RARB: variants seen among roughly 807,000 people sequenced by gnomAD.
The protein encoded by RARB is HBV-activated protein.
A neutral mutation model predicts 51.9 loss-of-function variants in RARB; 17 were observed. The observed-to-expected ratio is 0.33, with a 90% CI of 0.22 to 0.49. RARB has a LOEUF of 0.49. RARB is among the 20% of genes least tolerant of loss of function. The pLI is 0.99. For synonymous variants in RARB, 215 were observed against 195.4 expected, an observed-to-expected ratio of 1.10 and a Z score of -0.84; for missense variants, 369 against 550.8, an observed-to-expected ratio of 0.67 and a Z score of 3.30.
At chr3:25,261,714 G>A (rs1263796805) in intron 5 of RARB, among the ~76,000 whole-genome samples, 1 of 152,064 alleles carries the variant, frequency 6.6e-6, no homozygotes, top group African/African-American at 2.4e-5. Flanking sequence ...CCTCCATTCT[G>A]TATCTCACTC....
chr3:24,952,443 A>C (rs369110742), intron 2 of RARB, among the ~76,000 whole-genome samples: 72 of 152,220 alleles, frequency 4.7e-4, no homozygotes, highest in African/African-American at 1.5e-3. Context: ...CTTTACTAAA[A>C]TGTATTCTAC....
chr3:25,140,964 T>C (rs1700098529), intron 4 of RARB, among the ~76,000 whole-genome samples: 1 of 152,150 alleles, frequency 6.6e-6, no homozygotes, highest in African/African-American at 2.4e-5. Context: ...TTAGACACAA[T>C]GCTGATGCAC....
chr3:24,914,701 A>G (rs1166653692), intron 2 of RARB, among the ~76,000 whole-genome samples: 2 of 152,200 alleles, frequency 1.3e-5, no homozygotes, highest in Non-Finnish European at 2.9e-5. Flanking sequence ...TGTTTATGGA[A>G]TGACAAAGTC....
chr3:25,580,474 AC>A, intron 4 of RARB, 71 bp from the exon 5 acceptor site: 1 of 1,364,874 alleles, frequency 7.3e-7, no homozygotes, highest in South Asian at 1.5e-5. Context: ...CTAATTGGAA[AC>A]ACATTGAATT....
intron 5 of RARB, among the ~76,000 whole-genome samples, chr3:25,183,948 T>G (rs1700918472): frequency 6.6e-6 from 1 of 152,174 alleles, no homozygotes; most frequent in Non-Finnish European, 1.5e-5. Context: ...TCTTTTAGTT[T>G]CTTATGGCCA....
chr3:24,861,206 A>G (rs970391571), intron 2 of RARB, among the ~76,000 whole-genome samples: 2 of 152,306 alleles, frequency 1.3e-5, no homozygotes, highest in African/African-American at 4.8e-5. Flanking sequence ...TACTATTTAC[A>G]TGGCATTACA....
intron 5 of RARB, among the ~76,000 whole-genome samples, chr3:25,398,561 G>A (rs906795886): frequency 2.0e-5 from 3 of 152,108 alleles, no homozygotes; most frequent in Non-Finnish European, 4.4e-5. Flanking sequence ...TGGGAGAGAT[G>A]ACAGTTTTAA....
intron 5 of RARB, among the ~76,000 whole-genome samples, chr3:25,264,122 T>TTAA (rs1559337116): frequency 7.3e-5 from 11 of 151,022 alleles, no homozygotes; most frequent in Non-Finnish European, 1.0e-4. Flanking sequence ...TTTTTTTTTT[T>TTAA]AAAAAAAGGT....
At chr3:24,893,254 G>C (rs987260825) in intron 2 of RARB, among the ~76,000 whole-genome samples, 1 of 152,178 alleles carries the variant, frequency 6.6e-6, no homozygotes, top group Non-Finnish European at 1.5e-5. Context: ...TGTCATAATA[G>C]TCCCTGGGAG....
intron 2 of RARB, chr3:25,020,190 T>C (rs1295683672): frequency 6.6e-6 from 1 of 151,424 alleles, no homozygotes; most frequent in Non-Finnish European, 1.5e-5. Flanking sequence ...ACCAGGTTGC[T>C]CAGGCTGGAG....
At chr3:25,152,810 G>A (rs13060347) in intron 4 of RARB, among the ~76,000 whole-genome samples, 14,908 of 152,208 alleles carry the variant, frequency 0.098, 907 homozygotes, top group South Asian at 0.24. Context: ...GCTACTTAGA[G>A]CAGTAATGCT....
At position 25,457,699 on chromosome 3, in the gene RARB, G is replaced by T. The variant is rs573107899; in HGVS notation, c.158-3494G>T. Reference sequence around the variant, plus strand: ...CTTTCTTTGGGAAGGTGAAATGCTGGACTCCCTTCAGTGCATGTGTTTGAA... The same window carrying T: ...CTTTCTTTGGGAAGGTGAAATGCTGTACTCCCTTCAGTGCATGTGTTTGAA... On this transcript the variant is annotated intron_variant, in intron 1 of 7. Transcript: ENST00000330688. Among the ~76,000 whole-genome samples, 10 of 152,234 alleles carry T rather than the reference G, an allele frequency of 6.6e-5. No homozygotes were observed. In the East Asian group the frequency reaches 1.9e-3, roughly 29 times the overall value.
chr3:25,189,318 T>G (rs985065967), intron 5 of RARB, among the ~76,000 whole-genome samples: 1 of 152,154 alleles, frequency 6.6e-6, no homozygotes, highest in Non-Finnish European at 1.5e-5. Flanking sequence ...ATAAATGATC[T>G]TCATAGCCTT....
At chr3:25,188,709 A>G (rs1226077356) in intron 5 of RARB, among the ~76,000 whole-genome samples, 1 of 152,122 alleles carries the variant, frequency 6.6e-6, no homozygotes, top group Non-Finnish European at 1.5e-5. Flanking sequence ...AATTATAACT[A>G]CCATTTGTGT....
At chr3:25,216,764 ATT>A (rs1241076497) in intron 5 of RARB, among the ~76,000 whole-genome samples, 1 of 151,098 alleles carries the variant, frequency 6.6e-6, no homozygotes, top group African/African-American at 2.4e-5. Flanking sequence ...ATATATATAT[ATT>A]TTGTTTCTTC....
chr3:25,480,490 A>G (rs147932579), intron 2 of RARB, among the ~76,000 whole-genome samples: 3 of 152,172 alleles, frequency 2.0e-5, no homozygotes, highest in African/African-American at 7.2e-5. Context: ...GTTAGGTTCA[A>G]ATGGTAGCTA....
intron 2 of RARB, among the ~76,000 whole-genome samples, chr3:25,484,950 CTT>C (rs1696389082): frequency 6.6e-6 from 1 of 151,974 alleles, no homozygotes; most frequent in Non-Finnish European, 1.5e-5. Context: ...AAATATGAGT[CTT>C]AGCTTCCTTC....
intron 5 of RARB, among the ~76,000 whole-genome samples, chr3:25,224,501 C>T (rs1230208689): frequency 6.6e-6 from 1 of 152,120 alleles, no homozygotes; most frequent in African/African-American, 2.4e-5. Context: ...TAATTATATG[C>T]CTTAAATGAA....
In RARB at chr3:25,186,104, T is replaced by C. The variant is rs190846572; in HGVS notation, c.178+11529T>C. Among the ~76,000 whole-genome samples, 998 of 147,682 alleles carry C rather than the reference T, an allele frequency of 6.8e-3. 7 individuals carry two copies. Among genetic ancestry groups the C allele is most frequent in the African/African-American group, 0.023 (904 of 39,940 alleles). On this transcript the variant is annotated intron_variant, in intron 5 of 11. Transcript: ENST00000383772. ...ACAAAATATATAAGAGCATAAAGTA[T>C]GTATATAGACTTTGTGCAAGTCAGA...
Sources: gnomAD v4.1 joint callset for allele counts (sites outside exome capture counted in the v4.1 genomes callset) on GRCh38, gnomAD v4.1.1 for gene constraint, MANE v1.5 for transcripts, NCBI Gene and HGNC (gene_info 2026-07-23, HGNC 2026-07-21) for gene names.